The following CMIP variants were observed in gnomAD, a reference collection of about 807,000 sequenced individuals.
CMIP encodes the protein c-Maf inducing protein, also known as C-Maf-inducing protein.
A neutral mutation model predicts 97.3 loss-of-function variants in CMIP; 13 were observed. The ratio of observed to expected loss-of-function variants is 0.13; its 90% CI spans 0.09 to 0.21. The LOEUF (loss-of-function observed/expected upper bound fraction) is 0.21, where lower values mean the gene tolerates loss of function less well. Among genes scored for constraint, CMIP ranks in the 10% least tolerant of loss-of-function variants. The pLI, the probability that CMIP is intolerant of heterozygous loss-of-function variation, is 1.00. For synonymous variants in CMIP, 538 were observed against 436.3 expected (o/e 1.23, Z -2.91); for missense variants, 847 against 1,024.9 (o/e 0.83, Z 2.37).
At chr16:81,591,304 C>G (rs1166154058) in intron 1 of CMIP, among the ~76,000 whole-genome samples, 1 of 152,188 alleles carries the variant, frequency 6.6e-6, no homozygotes, top group Non-Finnish European at 1.5e-5. Flanking sequence ...AGTCACATTA[C>G]TCTGGACACC....
At chr16:81,452,603 CA>C in intron 1 of CMIP, among the ~76,000 whole-genome samples, 1 of 152,182 alleles carries the variant, frequency 6.6e-6, no homozygotes. Flanking sequence ...ATAGGACTTC[CA>C]GGGGGAAGAG....
chr16:81,693,251 C>T, intron 12 of CMIP, 67 bp downstream of exon 12: 3 of 1,503,578 alleles, frequency 2.0e-6, no homozygotes, highest in Non-Finnish European at 2.8e-6. Flanking sequence ...GGTCTTCCCT[C>T]CGTGGCCCAT....
At position 81,596,224 on chromosome 16, in the gene CMIP, G is replaced by A. The variant is rs186136653; in HGVS notation, c.301-11343G>A. ...GATTTATTTTTTTAAAAAATCTTTCGGCCAGGCATGGTGGCTCACGCCTGT... is the reference window on the plus strand; with the variant it reads ...GATTTATTTTTTTAAAAAATCTTTCAGCCAGGCATGGTGGCTCACGCCTGT... On this transcript the variant is annotated intron_variant, in intron 1 of 20. Coordinates refer to ENST00000537098, the MANE Select transcript of CMIP (RefSeq NM_198390.3). Among the ~76,000 whole-genome samples, 6 of 151,900 alleles carry A rather than the reference G, an allele frequency of 3.9e-5. No homozygotes were observed. The East Asian group carries it at 5.8e-4, about 15-fold the overall frequency.
intron 1 of CMIP, among the ~76,000 whole-genome samples, chr16:81,503,718 G>A (rs2089654023): frequency 6.6e-6 from 1 of 152,236 alleles, no homozygotes; most frequent in African/African-American, 2.4e-5. Flanking sequence ...TGAGGTGCCA[G>A]TCTGGTCACC....
In CMIP at chr16:81,652,030, A is replaced by G. The variant is rs2092434019; in HGVS notation, c.478-173A>G. 6.6e-6 allele frequency among the ~76,000 whole-genome samples: 1 copy of G among 152,164 alleles called. No individual in the cohort carries two copies. Among genetic ancestry groups the G allele is most frequent in the Non-Finnish European group, 1.5e-5 (1 of 68,026 alleles). On this transcript the variant is annotated intron_variant, in intron 3 of 20. Transcript: ENST00000537098. This position sits in a 1 kb window ranked among gnomAD's most constrained non-coding sequence, Gnocchi z 5.2. ...CTGCAAATGCACCCCGTGACTTTGGATGAGACCCTTCCTCTCTCGGGGTGT... is the reference window on the plus strand; with the variant it reads ...CTGCAAATGCACCCCGTGACTTTGGGTGAGACCCTTCCTCTCTCGGGGTGT...
intron 1 of CMIP, among the ~76,000 whole-genome samples, chr16:81,547,612 GGGAGGA>G (rs147604031): frequency 0.061 from 9,218 of 151,754 alleles, 923 homozygotes; most frequent in African/African-American, 0.21. Flanking sequence ...TGGGAAGCGG[GGGAGGA>G]GGAGGAGGAG....
At chr16:81,610,661 GC>G in intron 2 of CMIP, 1 of 390,822 alleles carries the variant, frequency 2.6e-6, no homozygotes, top group Non-Finnish European at 3.5e-6. Context: ...CCCACACTCT[GC>G]CCACCGTGAT....
chr16:81,660,464 G>A (rs559748860), intron 5 of CMIP, among the ~76,000 whole-genome samples: 5 of 151,998 alleles, frequency 3.3e-5, no homozygotes, highest in South Asian at 4.2e-4. Context: ...TGGTAGAGAC[G>A]GAGTTTCCCT....
At chr16:81,551,484 T>C (rs1357001066) in intron 1 of CMIP, among the ~76,000 whole-genome samples, 1 of 152,170 alleles carries the variant, frequency 6.6e-6, no homozygotes, top group Non-Finnish European at 1.5e-5. Context: ...AAAAAACATT[T>C]GGGGTCCTGA....
intron 1 of CMIP, among the ~76,000 whole-genome samples, chr16:81,552,109 A>G (rs886455799): frequency 2.0e-5 from 3 of 152,154 alleles, no homozygotes; most frequent in African/African-American, 7.2e-5. Context: ...ATCCTCTGAC[A>G]TCTGACTGTC....
intron 1 of CMIP, among the ~76,000 whole-genome samples, chr16:81,493,823 G>A (rs759904913): frequency 2.0e-5 from 3 of 152,210 alleles, no homozygotes; most frequent in Non-Finnish European, 4.4e-5. Context: ...CACAGCAGCC[G>A]GGACCGGGAT....
rs188249957 is a variant in CMIP at position 81,560,855 on chromosome 16, G to A, written c.301-46712G>A. Among the ~76,000 whole-genome samples the A allele has an allele frequency of 3.3e-5, 5 of 152,304 alleles. No individual in the cohort carries two copies. In the East Asian group the frequency reaches 7.7e-4, roughly 23 times the overall value. ...CCCAGCCATAGGTGTGTAGTAGGCC[G>A]TATACCATGTAGGTTTGTGTAAATA... On this transcript the variant is annotated intron_variant, in intron 1 of 20. Transcript: ENST00000537098.
chr16:81,541,329 C>T (rs1433745640), intron 1 of CMIP, among the ~76,000 whole-genome samples: 1 of 152,178 alleles, frequency 6.6e-6, no homozygotes, highest in Non-Finnish European at 1.5e-5. Context: ...CAGTTTACTT[C>T]TTCACTCAGT....
chr16:81,615,281 GTGTGGTGTGTGTGCATGTGTAAC>G lies in CMIP; in HGVS notation c.427-5592_427-5570del, dbSNP rs1434729631. Among the ~76,000 whole-genome samples the G allele has an allele frequency of 1.3e-4, 13 of 99,120 alleles. No individual in the cohort carries two copies. The East Asian group carries it at 3.1e-3, about 24-fold the overall frequency. The allele number at this position is 99,120 out of a possible 152,430, so 65.0% of individuals were successfully genotyped here. On this transcript the variant is annotated intron_variant, in intron 2 of 20. Transcript: ENST00000537098. ...GTATGTGTCTACGTGGTATGTGGCT[GTGTGGTGTGTGTGCATGTGTAAC>G]TGGTGTGTGTGTATGGTGTGTGTGG...
intron 10 of CMIP, among the ~76,000 whole-genome samples, chr16:81,686,718 A>G (rs1159805373): frequency 6.6e-6 from 1 of 152,148 alleles, no homozygotes; most frequent in Non-Finnish European, 1.5e-5. Flanking sequence ...GGGGCAGGAA[A>G]AGCCCTCACT....
chr16:81,601,041 C>T (rs1020465593), intron 1 of CMIP, among the ~76,000 whole-genome samples: 2 of 152,184 alleles, frequency 1.3e-5, no homozygotes, highest in African/African-American at 2.4e-5. Context: ...TAATTCAAGC[C>T]GCTTCCACGT....
intron 7 of CMIP, among the ~76,000 whole-genome samples, chr16:81,668,134 C>G (rs1034710720): frequency 6.6e-6 from 1 of 152,084 alleles, no homozygotes; most frequent in African/African-American, 2.4e-5. Context: ...AGCTTGAAGT[C>G]CTGATGCAGG....
At chr16:81,702,473 C>T (rs993074401) in intron 16 of CMIP, 149 bp from the exon 17 acceptor site, 63 of 748,062 alleles carry the variant, frequency 8.4e-5, no homozygotes, top group African/African-American at 7.0e-4. Flanking sequence ...ACCTCATCTC[C>T]GGGTTTGCCC....
At chr16:81,478,443 A>T (rs1346492850) in intron 1 of CMIP, among the ~76,000 whole-genome samples, 1 of 152,182 alleles carries the variant, frequency 6.6e-6, no homozygotes, top group Non-Finnish European at 1.5e-5. Context: ...GAGCTCCCTG[A>T]GAAAGCAGGT....
Sources: allele counts gnomAD v4.1 joint callset (sites outside exome capture counted in the v4.1 genomes callset), GRCh38; gene constraint gnomAD v4.1.1; non-coding constraint Gnocchi (gnomAD v3.1); transcripts MANE v1.5; gene names NCBI Gene and HGNC (gene_info 2026-07-23, HGNC 2026-07-21).